The following TSPEAR variants were observed in gnomAD, a reference collection of about 807,000 sequenced individuals.
The protein encoded by TSPEAR is thrombospondin type laminin G domain and EAR repeats.
TSPEAR carries 69 observed loss-of-function variants against 71.6 expected under a neutral mutation model. That is an observed-to-expected ratio of 0.96 (90% CI 0.79 to 1.18). The LOEUF (loss-of-function observed/expected upper bound fraction) is 1.18, where lower values mean the gene tolerates loss of function less well. Among genes scored for constraint, TSPEAR ranks in the 50% most tolerant of loss-of-function variants. The probability of loss-of-function intolerance (pLI) is 0.00; values close to 1 mark genes in which losing one functional copy is unlikely to be tolerated. For missense variants in TSPEAR, 971 were observed against 894.9 expected (o/e 1.09, Z -1.09); for synonymous variants, 402 against 387.2 (o/e 1.04, Z -0.45).
intron 1 of TSPEAR, among the ~76,000 whole-genome samples, chr21:44,663,265 T>C: frequency 6.6e-6 from 1 of 151,032 alleles, no homozygotes; most frequent in Middle Eastern, 3.2e-3. Flanking sequence ...ATATTAGGAG[T>C]GAAGAAGAGA....
chr21:44,499,553 C>T lies in TSPEAR; in HGVS notation c.*230G>A, dbSNP rs2051985979. 1 of 513,014 alleles carries T rather than the reference C, an allele frequency of 1.9e-6. No homozygotes were observed. The highest frequency in any genetic ancestry group is 3.4e-6 in the Non-Finnish European group (1 of 294,360). The allele number at this position is 513,014 out of a possible 1,614,324, so 31.8% of individuals were successfully genotyped here. On this transcript the variant is annotated 3_prime_UTR_variant, in exon 12 of 12. Coordinates refer to ENST00000323084, the MANE Select transcript of TSPEAR (RefSeq NM_144991.3). ...GCGAGCACTGGCAGGGGCTCTGGGC[C>T]TCTGCCTGCAAGACCAGACCGTCAC...
rs143238701 is a variant in TSPEAR at position 44,610,718 on chromosome 21, G to A, written c.83-42713C>T. On this transcript the variant is annotated intron_variant, in intron 1 of 11. Coordinates refer to ENST00000323084, the MANE Select transcript of TSPEAR (RefSeq NM_144991.3). Reference sequence around the variant, plus strand: ...GATCTATTGACACCTTGCACCATGTGCCTGGAAAAGCTGCTGACACTCAAC... The same window carrying A: ...GATCTATTGACACCTTGCACCATGTACCTGGAAAAGCTGCTGACACTCAAC... 5.1e-3 allele frequency among the ~76,000 whole-genome samples: 771 copies of A among 152,262 alleles called. 5 individuals are homozygous for A. The highest frequency in any genetic ancestry group is 0.018 in the African/African-American group (729 of 41,558).
intron 2 of TSPEAR, chr21:44,551,067 C>T: frequency 6.2e-7 from 1 of 1,611,370 alleles, no homozygotes; most frequent in Non-Finnish European, 8.5e-7. Flanking sequence ...GGAAGAGGCA[C>T]AGCAAGCTGG....
At chr21:44,602,053 A>G in intron 1 of TSPEAR, 1 of 471,188 alleles carries the variant, frequency 2.1e-6, no homozygotes, top group Non-Finnish European at 4.0e-6. Flanking sequence ...GTTTCTCGTC[A>G]CTGTCCCAGC....
intron 8 of TSPEAR, among the ~76,000 whole-genome samples, chr21:44,522,644 G>T (rs587654569): frequency 6.6e-6 from 1 of 152,262 alleles, no homozygotes; most frequent in Non-Finnish European, 1.5e-5. Flanking sequence ...CTACACAATG[G>T]CAGGTACTCA....
At chr21:44,675,885 G>A in intron 1 of TSPEAR, 2 of 725,192 alleles carry the variant, frequency 2.8e-6, no homozygotes, top group South Asian at 1.5e-5. Context: ...GGCTGTACTT[G>A]AGTGGTTCTT....
At chr21:44,676,439 G>A (rs73234832) in intron 1 of TSPEAR, 36,251 of 1,093,508 alleles carry the variant, frequency 0.033, 772 homozygotes, top group Middle Eastern at 0.063. Context: ...AGCCAGAGTT[G>A]GTAGGCTTTT....
At chr21:44,552,437 G>C (rs1362790023) in intron 2 of TSPEAR, among the ~76,000 whole-genome samples, 1 of 152,158 alleles carries the variant, frequency 6.6e-6, no homozygotes, top group Non-Finnish European at 1.5e-5. Context: ...CTTTCAGCTG[G>C]GGATGAGGCT....
chr21:44,621,928 T>G (rs1407431962), intron 1 of TSPEAR, among the ~76,000 whole-genome samples: 2 of 152,160 alleles, frequency 1.3e-5, no homozygotes, highest in African/African-American at 4.8e-5. Context: ...TCATGGCCAT[T>G]TGTAGTCATT....
Position 44,525,749 on chromosome 21 carries a change from TAA to T in TSPEAR, c.1238_1239del (p.Phe413TyrfsTer144). The T allele has an allele frequency of 6.2e-7, 1 of 1,614,070 alleles. No homozygotes were observed. Among genetic ancestry groups the T allele is most frequent in the Non-Finnish European group, 8.5e-7 (1 of 1,180,014 alleles). On this transcript the variant is annotated frameshift_variant, in exon 8 of 12. Transcript: ENST00000323084. LOFTEE classifies it high-confidence loss of function. ...IYKWSHRKLK[F>X]TPYQSIATHS... ...TGTGTGGCAATGCTCTGATATGGGG[TAA>T]ACTTCAGCTTTCTGTGGCTCCATTT...
intron 1 of TSPEAR, chr21:44,579,403 C>G (rs456444): frequency 0.92 from 335,887 of 365,220 alleles, 156,189 homozygotes; most frequent in Non-Finnish European, 0.97. Flanking sequence ...TGGCTAGAGA[C>G]CAATCTGAGC....
At chr21:44,609,460 G>A (rs1474866405) in intron 1 of TSPEAR, among the ~76,000 whole-genome samples, 1 of 152,198 alleles carries the variant, frequency 6.6e-6, no homozygotes, top group Non-Finnish European at 1.5e-5. Flanking sequence ...CATCCAGGAA[G>A]TAATGGATCC....
chr21:44,667,016 T>G, intron 1 of TSPEAR: 2 of 1,086,932 alleles, frequency 1.8e-6, no homozygotes, highest in Non-Finnish European at 2.6e-6. Context: ...CTTGTTTTTC[T>G]TCCTCAGTGC....
At chr21:44,647,246 G>T in intron 1 of TSPEAR, 1 of 1,604,552 alleles carries the variant, frequency 6.2e-7, no homozygotes, top group Non-Finnish European at 8.5e-7. Context: ...ACCTCCTCCT[G>T]CCAGTCCAGC....
At chr21:44,569,550 C>T (rs1421364269) in intron 1 of TSPEAR, among the ~76,000 whole-genome samples, 5 of 151,982 alleles carry the variant, frequency 3.3e-5, no homozygotes, top group African/African-American at 1.2e-4. Flanking sequence ...TGTGTGTGAC[C>T]CACAGCACCA....
chr21:44,533,392 C>A (rs1038844318), intron 3 of TSPEAR, among the ~76,000 whole-genome samples: 1 of 152,126 alleles, frequency 6.6e-6, no homozygotes, highest in African/African-American at 2.4e-5. Context: ...GCCCCCTGGT[C>A]GGCTCCTGCC....
intron 1 of TSPEAR, among the ~76,000 whole-genome samples, chr21:44,602,470 G>C (rs929274761): frequency 6.6e-5 from 10 of 152,012 alleles, no homozygotes; most frequent in Admixed American, 6.5e-4. Flanking sequence ...GCCGTGTGCA[G>C]AATGGGTCCA....
At chr21:44,596,792 T>C (rs1555927660) in intron 1 of TSPEAR, among the ~76,000 whole-genome samples, 1 of 152,272 alleles carries the variant, frequency 6.6e-6, no homozygotes, top group Non-Finnish European at 1.5e-5. Context: ...TGTATATTTC[T>C]TTCAATTGTC....
chr21:44,687,103 C>T lies in TSPEAR; in HGVS notation c.82+24330G>A, dbSNP rs893186022. ...AACCAAGCCACAGGACGAAGGGCTG[C>T]GGGAAGAAGGAGGCTGAGCCTGGGG... On this transcript the variant is annotated intron_variant, in intron 1 of 11. Coordinates refer to ENST00000323084, the MANE Select transcript of TSPEAR (RefSeq NM_144991.3). This position sits in a 1 kb window ranked among gnomAD's most constrained non-coding sequence, Gnocchi z 4.4. 6.6e-6 allele frequency among the ~76,000 whole-genome samples: 1 copy of T among 152,264 alleles called. No individual in the cohort carries two copies. Among genetic ancestry groups the T allele is most frequent in the East Asian group, 1.9e-4 (1 of 5,182 alleles).
Sources: allele counts gnomAD v4.1 joint callset (sites outside exome capture counted in the v4.1 genomes callset), GRCh38; gene constraint gnomAD v4.1.1; non-coding constraint Gnocchi (gnomAD v3.1); transcripts MANE v1.5; gene names NCBI Gene and HGNC (gene_info 2026-07-23, HGNC 2026-07-21).